Variants in UIMC1 observed in about 807,000 individuals in gnomAD.
The protein encoded by UIMC1 is BRCA1-A complex subunit RAP80.
In UIMC1, 42 loss-of-function variants were observed where a neutral mutation model predicts 84.9. The ratio of observed to expected loss-of-function variants is 0.49; its 90% CI spans 0.39 to 0.64. The LOEUF is 0.64. Among genes scored for constraint, UIMC1 ranks in the 30% least tolerant of loss-of-function variants. UIMC1 has a pLI of 0.00. For missense variants in UIMC1, 825 were observed against 847.6 expected (o/e 0.97, Z 0.33); for synonymous variants, 281 against 293.0 (o/e 0.96, Z 0.42).
chr5:177,015,450 T>C (rs1345186542), intron 1 of UIMC1, among the ~76,000 whole-genome samples: 3 of 152,200 alleles, frequency 2.0e-5, no homozygotes, highest in Non-Finnish European at 4.4e-5. Context: ...CTCTTCCTGA[T>C]ATGGCTCTGG....
chr5:176,933,265 C>A (rs761695188), intron 10 of UIMC1, among the ~76,000 whole-genome samples: 2 of 152,172 alleles, frequency 1.3e-5, no homozygotes, highest in South Asian at 2.1e-4. Flanking sequence ...AATTCTTCTT[C>A]GAAGAAGAAA....
chr5:176,931,643 G>C (rs1167211733), intron 10 of UIMC1, among the ~76,000 whole-genome samples: 1 of 152,196 alleles, frequency 6.6e-6, no homozygotes, highest in East Asian at 1.9e-4. Flanking sequence ...CAACCTAGTG[G>C]AGCTGACATG....
intron 11 of UIMC1, among the ~76,000 whole-genome samples, 199 bp downstream of exon 11, chr5:176,911,112 G>GAAAAGAA: frequency 4.3e-5 from 5 of 117,006 alleles, no homozygotes; most frequent in South Asian, 2.9e-4. Flanking sequence ...GAGAGAGAGA[G>GAAAAGAA]AAGAAAAGAA....
At chr5:176,909,185 ACAT>A (rs1759791024) in intron 11 of UIMC1, among the ~76,000 whole-genome samples, 2 of 152,256 alleles carry the variant, frequency 1.3e-5, no homozygotes. Context: ...ACAATCTGCA[ACAT>A]CAACTAAGAA....
Position 176,968,925 on chromosome 5 carries a change from A to T in UIMC1, c.830T>A (p.Phe277Tyr), listed in dbSNP as rs774498740. The T allele has an allele frequency of 6.2e-7, 1 of 1,614,056 alleles. No individual in the cohort carries two copies. The highest frequency in any genetic ancestry group is 1.3e-5 in the African/African-American group (1 of 74,932). Residue 277 changes from phenylalanine (F) to tyrosine (Y), a missense_variant, in exon 6 of 15, where the codon TTC (phenylalanine) becomes TAC (tyrosine). By Grantham distance (22) the Phe-to-Tyr change is conservative. Coordinates refer to ENST00000511320, the MANE Select transcript of UIMC1 (RefSeq NM_001199298.2). ...LQDTGGTVNY[F>Y]WGIPFCPDGV... ...ATCAGGGCAGAATGGAATACCCCAG[A>T]AATAGTTCACAGTGCCCCCAGTGTC...
At chr5:176,940,512 C>T (rs1764278356) in intron 10 of UIMC1, among the ~76,000 whole-genome samples, 1 of 152,088 alleles carries the variant, frequency 6.6e-6, no homozygotes, top group Non-Finnish European at 1.5e-5. Flanking sequence ...GTAAGACAGA[C>T]AAGATAGTCT....
At chr5:176,973,268 G>A (rs1019259532) in intron 3 of UIMC1, among the ~76,000 whole-genome samples, 4 of 152,004 alleles carry the variant, frequency 2.6e-5, no homozygotes, top group African/African-American at 9.7e-5. Flanking sequence ...CCATCCCCAA[G>A]TGGACAAAAA....
chr5:176,905,283 C>T lies in UIMC1; in HGVS notation c.2159G>A (p.Ter720=). 1.2e-6 allele frequency: 2 copies of T among 1,613,680 alleles called. No individual in the cohort carries two copies. Among genetic ancestry groups the T allele is most frequent in the Non-Finnish European group, 1.7e-6 (2 of 1,179,740 alleles). Residue 720 remains the stop codon, a stop_retained_variant, in exon 15 of 15, where the codon TGA becomes TAA. Transcript: ENST00000511320. ...TGTCAACTTTTGGACCCTAGAAATTCAGAATTTTCTCCTTCTTCCTCTGCC... is the reference window on the plus strand; with the variant it reads ...TGTCAACTTTTGGACCCTAGAAATTTAGAATTTTCTCCTTCTTCCTCTGCC... ...KAGRGRRRKF[*] is the part of the protein sequence containing the mutation.
chr5:176,952,384 C>T (rs1400848928), intron 8 of UIMC1, among the ~76,000 whole-genome samples: 3 of 152,146 alleles, frequency 2.0e-5, no homozygotes, highest in East Asian at 1.9e-4. Context: ...GCATTATACT[C>T]GCTATCAGTA....
chr5:177,016,296 A>G (rs891448459), intron 1 of UIMC1, among the ~76,000 whole-genome samples: 3 of 151,668 alleles, frequency 2.0e-5, no homozygotes, highest in African/African-American at 7.3e-5. Context: ...CCTGGGAGGC[A>G]GAGGTTGCAG....
chr5:176,942,587 A>G (rs1184392131), intron 10 of UIMC1, among the ~76,000 whole-genome samples: 2 of 151,546 alleles, frequency 1.3e-5, no homozygotes, highest in African/African-American at 4.9e-5. Flanking sequence ...CTAAAAAAAA[A>G]ATACAAAAAT....
At position 177,006,666 on chromosome 5, in the gene UIMC1, C is replaced by G. The variant is rs1223147542; in HGVS notation, c.-25G>C. 1.3e-5 allele frequency: 2 copies of G among 152,170 alleles called. No individual in the cohort carries two copies. The highest frequency in any genetic ancestry group is 4.8e-5 in the African/African-American group (2 of 41,458). 9.4% of individuals were successfully genotyped at this position (152,170 alleles called of 1,614,324 possible). A position where few individuals can be genotyped will look rare whatever the true frequency, so the allele number is the denominator to read the frequency against. ...GGTACTCACTCGCTGGCGCAGGCCG[C>G]TCTGTAGACCTTCTCCGGGTTGCCG... On this transcript the variant is annotated 5_prime_UTR_variant, in exon 1 of 15. Transcript: ENST00000511320.
intron 6 of UIMC1, among the ~76,000 whole-genome samples, chr5:176,960,215 T>C (rs1174552491): frequency 1.3e-5 from 2 of 152,220 alleles, no homozygotes; most frequent in Non-Finnish European, 2.9e-5. Flanking sequence ...GTCAAAATCG[T>C]AGCGCTGAGA....
intron 12 of UIMC1, among the ~76,000 whole-genome samples, chr5:176,907,678 A>G (rs554466905): frequency 5.3e-5 from 8 of 152,334 alleles, no homozygotes; most frequent in African/African-American, 1.4e-4. Context: ...CAAGGCCCCA[A>G]AAGTACATCC....
chr5:176,984,003 C>T (rs1442028055), intron 1 of UIMC1, among the ~76,000 whole-genome samples: 1 of 134,090 alleles, frequency 7.5e-6, no homozygotes, highest in African/African-American at 2.8e-5. Flanking sequence ...CCCGGCCGCC[C>T]CGTCTGGGAA....
chr5:176,913,519 TAG>T (rs1561718654), intron 10 of UIMC1, among the ~76,000 whole-genome samples: 4 of 152,192 alleles, frequency 2.6e-5, no homozygotes, highest in African/African-American at 9.7e-5. Flanking sequence ...ACAATCCAAC[TAG>T]TAAAAAGAAC....
chr5:177,004,079 T>C (rs1276745787), intron 1 of UIMC1, among the ~76,000 whole-genome samples: 1 of 152,202 alleles, frequency 6.6e-6, no homozygotes, highest in Non-Finnish European at 1.5e-5. Context: ...ATTGCCCACC[T>C]CAGCCTCCCA....
intron 1 of UIMC1, among the ~76,000 whole-genome samples, chr5:177,012,699 A>AT: frequency 6.6e-6 from 1 of 152,108 alleles, no homozygotes; most frequent in East Asian, 1.9e-4. Flanking sequence ...TCTAAAAAAA[A>AT]GAACCCAAAA....
chr5:176,970,116 C>T (rs977825959), intron 4 of UIMC1: 1 of 173,682 alleles, frequency 5.8e-6, no homozygotes, highest in Non-Finnish European at 1.2e-5. Context: ...ACTGAAAATA[C>T]AAAAAATTAG....
Sources: gnomAD v4.1 joint callset for allele counts (sites outside exome capture counted in the v4.1 genomes callset) on GRCh38, gnomAD v4.1.1 for gene constraint, MANE v1.5 for transcripts, NCBI Gene and HGNC (gene_info 2026-07-23, HGNC 2026-07-21) for gene names.